SOX5: variants seen among roughly 807,000 people sequenced by gnomAD.
SOX5 encodes the protein SRY-box transcription factor 5.
In SOX5, 9 loss-of-function variants were observed where a neutral mutation model predicts 92.0. The ratio of observed to expected loss-of-function variants is 0.10; its 90% confidence interval spans 0.06 to 0.17. SOX5 has a LOEUF of 0.17. SOX5 is among the 10% of genes least tolerant of loss of function. The pLI, the probability that SOX5 is intolerant of heterozygous loss-of-function variation, is 1.00. For missense variants in SOX5, 642 were observed against 944.5 expected (o/e 0.68, Z 4.20); for synonymous variants, 344 against 336.3 (o/e 1.02, Z -0.25).
rs142716300 is a variant in SOX5 at position 23,780,652 on chromosome 12, G to T, written c.482-24928C>A. On this transcript the variant is annotated intron_variant, in intron 3 of 14. Coordinates refer to ENST00000451604, the MANE Select transcript of SOX5 (RefSeq NM_006940.6). ...CTGTGAGCAAGCACACAGAGTAAGT[G>T]AAAAGTTTTGTGTGGCAATCCTGGT... 1.4e-4 allele frequency among the ~76,000 whole-genome samples: 22 copies of T among 152,186 alleles called. No homozygotes were observed. In the East Asian group the frequency reaches 4.0e-3, roughly 28 times the overall value.
intron 1 of SOX5, among the ~76,000 whole-genome samples, chr12:23,946,296 T>C (rs1944581804): frequency 6.6e-6 from 1 of 152,080 alleles, no homozygotes; most frequent in Non-Finnish European, 1.5e-5. Flanking sequence ...TTCTAGACAT[T>C]ATCAGAACTG....
At chr12:24,449,420 T>C (rs1288643947) in intron 1 of SOX5, among the ~76,000 whole-genome samples, 3 of 152,212 alleles carry the variant, frequency 2.0e-5, no homozygotes, top group African/African-American at 4.8e-5. Flanking sequence ...CTCCCCATGA[T>C]CTTCAAAATA....
At chr12:24,446,746 T>A (rs1198245354) in intron 1 of SOX5, among the ~76,000 whole-genome samples, 1 of 151,954 alleles carries the variant, frequency 6.6e-6, no homozygotes, top group Admixed American at 6.6e-5. Flanking sequence ...AGCCGAAATG[T>A]AATAAGGATA....
rs180871966 is a variant in SOX5, at chr12:24,536,042, A to G, written c.-251+26287T>C. ...CTAAATTAGGCCTCTGGAAATAGGT[A>G]ATGCACAAAAAGAAGCATTTTGTGT... On this transcript the variant is annotated intron_variant, in intron 1 of 4. Coordinates refer to the SOX5 transcript ENST00000446891. 2.0e-5 allele frequency among the ~76,000 whole-genome samples: 3 copies of G among 152,324 alleles called. No homozygotes were observed. The East Asian group carries it at 5.8e-4, about 29-fold the overall frequency.
chr12:23,740,971 G>A lies in SOX5; in HGVS notation c.637C>T (p.Arg213Ter), dbSNP rs767241917. Residue 213 changes from arginine (R) to a stop codon, truncating the protein, a stop_gained, in exon 5 of 15, where the codon CGA (arginine) becomes TGA (stop). Coordinates refer to ENST00000451604, the MANE Select transcript of SOX5 (RefSeq NM_006940.6). LOFTEE classifies it high-confidence loss of function. ...TCGTGGGCAGCCAACAGCTGCTCTCGGAGGCTGGTCAGCTGGTTGATCATA... is the reference window on the plus strand; with the variant it reads ...TCGTGGGCAGCCAACAGCTGCTCTCAGAGGCTGGTCAGCTGGTTGATCATA... The part of the protein sequence containing the change: ...MGMINQLTSL[R>*]EQLLAAHDEQ... The A allele has an allele frequency of 6.2e-7, 1 of 1,612,478 alleles. No individual in the cohort carries two copies. The highest frequency in any genetic ancestry group is 1.3e-5 in the African/African-American group (1 of 74,944).
At chr12:24,345,457 A>G (rs1953114032) in intron 2 of SOX5, among the ~76,000 whole-genome samples, 1 of 152,128 alleles carries the variant, frequency 6.6e-6, no homozygotes, top group Admixed American at 6.5e-5. Flanking sequence ...GCTATCCAAG[A>G]AGCACTTTCT....
intron 3 of SOX5, among the ~76,000 whole-genome samples, chr12:23,838,853 G>GGGC (rs2096473549): frequency 1.0e-5 from 1 of 96,330 alleles, no homozygotes; most frequent in Non-Finnish European, 2.1e-5. Flanking sequence ...TGGGGGGGGG[G>GGGC]GGCGGGGATG....
chr12:24,427,873 A>G (rs1439289669), intron 1 of SOX5, among the ~76,000 whole-genome samples: 1 of 152,174 alleles, frequency 6.6e-6, no homozygotes, highest in African/African-American at 2.4e-5. Context: ...ATCAGGGGGC[A>G]AATTAAAAAG....
intron 2 of SOX5, among the ~76,000 whole-genome samples, chr12:24,326,488 GC>G (rs1278316299): frequency 1.3e-5 from 2 of 152,038 alleles, no homozygotes; most frequent in Non-Finnish European, 2.9e-5. Flanking sequence ...TAGACTGTAA[GC>G]TTCTTTGTCA....
At chr12:23,821,929 C>T (rs954085027) in intron 3 of SOX5, among the ~76,000 whole-genome samples, 33 of 109,868 alleles carry the variant, frequency 3.0e-4, no homozygotes, top group Admixed American at 5.7e-4. Flanking sequence ...TAGTATTCTC[C>T]GATATATATA....
chr12:23,849,663 T>A (rs969933839), intron 2 of SOX5, among the ~76,000 whole-genome samples: 1 of 152,174 alleles, frequency 6.6e-6, no homozygotes, highest in African/African-American at 2.4e-5. Flanking sequence ...CTGAAATACG[T>A]TCAAGTCCTA....
intron 1 of SOX5, among the ~76,000 whole-genome samples, chr12:24,390,673 G>A (rs1472822838): frequency 6.6e-6 from 1 of 152,132 alleles, no homozygotes; most frequent in Non-Finnish European, 1.5e-5. Flanking sequence ...TATGTGGTAT[G>A]TGACTTTCTC....
intron 5 of SOX5, among the ~76,000 whole-genome samples, chr12:23,737,995 T>A (rs1342076128): frequency 6.6e-6 from 1 of 152,250 alleles, no homozygotes; most frequent in African/African-American, 2.4e-5. Flanking sequence ...TACAGTTTAC[T>A]GGTTTACTTA....
intron 10 of SOX5, among the ~76,000 whole-genome samples, chr12:23,565,287 A>C (rs1946880409): frequency 6.6e-6 from 1 of 152,222 alleles, no homozygotes; most frequent in Admixed American, 6.5e-5. Flanking sequence ...GAACTTGTTC[A>C]TGAACAATAT....
intron 3 of SOX5, among the ~76,000 whole-genome samples, chr12:23,788,012 T>G (rs1173495695): frequency 2.0e-5 from 3 of 151,650 alleles, no homozygotes; most frequent in African/African-American, 4.8e-5. Context: ...TATTTGATAT[T>G]GGAATTTGAA....
intron 4 of SOX5, among the ~76,000 whole-genome samples, chr12:24,025,743 C>T (rs1398478872): frequency 7.9e-5 from 12 of 151,930 alleles, no homozygotes; most frequent in Non-Finnish European, 7.4e-5. Context: ...TAAAATAGCA[C>T]ACCTAAAAAA....
chr12:23,573,766 CTG>C (rs1422816686), intron 10 of SOX5, among the ~76,000 whole-genome samples: 4 of 152,162 alleles, frequency 2.6e-5, no homozygotes, highest in African/African-American at 9.7e-5. Flanking sequence ...GTGATATAAA[CTG>C]TGCCTTTTTC....
intron 1 of SOX5, among the ~76,000 whole-genome samples, chr12:24,547,527 A>T (rs1389240372): frequency 6.6e-6 from 1 of 152,240 alleles, no homozygotes; most frequent in Non-Finnish European, 1.5e-5. Context: ...AACAAGGAAT[A>T]AACATTTTAC....
chr12:23,726,398 C>T (rs1465973246), intron 6 of SOX5, among the ~76,000 whole-genome samples: 1 of 152,064 alleles, frequency 6.6e-6, no homozygotes, highest in Non-Finnish European at 1.5e-5. Flanking sequence ...TTTGTTAACT[C>T]TTTTCAAAGA....
Sources: allele counts gnomAD v4.1 joint callset (sites outside exome capture counted in the v4.1 genomes callset), GRCh38; gene constraint gnomAD v4.1.1; transcripts MANE v1.5; gene names NCBI Gene and HGNC (gene_info 2026-07-23, HGNC 2026-07-21).